Variants in GALNT17 observed in about 807,000 individuals in gnomAD.
The protein encoded by GALNT17 is UDP-GalNAc:polypeptide N-acetylgalactosaminyltransferase-like 3.
A neutral mutation model predicts 63.7 loss-of-function variants in GALNT17; 29 were observed. That is an observed-to-expected ratio of 0.46 (90% confidence interval 0.34 to 0.62). GALNT17 has a LOEUF of 0.62. GALNT17 is among the 20% of genes least tolerant of loss of function. The pLI is 0.01. For missense variants in GALNT17, 603 were observed against 799.6 expected (o/e 0.75, Z 2.97); for synonymous variants, 305 against 318.3 (o/e 0.96, Z 0.45).
intron 1 of GALNT17, among the ~76,000 whole-genome samples, chr7:71,330,276 G>A (rs577879727): frequency 2.6e-4 from 39 of 152,316 alleles, no homozygotes; most frequent in African/African-American, 9.1e-4. Flanking sequence ...GCCTCCCAAA[G>A]TGCTGGGATT....
chr7:71,144,250 C>T lies in GALNT17; in HGVS notation c.238+11210C>T, dbSNP rs76330983. Among the ~76,000 whole-genome samples, 543 of 152,184 alleles carry T rather than the reference C, an allele frequency of 3.6e-3. 20 individuals carry two copies. In the East Asian group the frequency reaches 0.071, roughly 20 times the overall value. On this transcript the variant is annotated intron_variant, in intron 1 of 10. Coordinates refer to ENST00000333538, the MANE Select transcript of GALNT17 (RefSeq NM_022479.3). ...GTCAGAAATCCCCTTGTCAGCTCCT[C>T]GAGTATCCTTACCTCCTCGTCATCT...
chr7:71,202,427 A>G (rs1789192365), intron 1 of GALNT17, among the ~76,000 whole-genome samples: 1 of 152,322 alleles, frequency 6.6e-6, no homozygotes, highest in African/African-American at 2.4e-5. Flanking sequence ...CTTTAGTTGC[A>G]TATTTGCAAT....
At chr7:71,178,461 T>C (rs1788677468) in intron 1 of GALNT17, among the ~76,000 whole-genome samples, 1 of 152,174 alleles carries the variant, frequency 6.6e-6, no homozygotes, top group Non-Finnish European at 1.5e-5. Flanking sequence ...TGTAGGCCTA[T>C]TTCTTCACGT....
At chr7:71,229,921 G>GACC (rs1789756615) in intron 1 of GALNT17, among the ~76,000 whole-genome samples, 1 of 152,226 alleles carries the variant, frequency 6.6e-6, no homozygotes, top group Admixed American at 6.5e-5. Flanking sequence ...GACTGAGCCA[G>GACC]AGGCCAGCTG....
chr7:71,381,730 G>T (rs908142547), intron 2 of GALNT17, among the ~76,000 whole-genome samples: 1 of 152,130 alleles, frequency 6.6e-6, no homozygotes, highest in African/African-American at 2.4e-5. Flanking sequence ...AGTGAGCTGA[G>T]ATCATGCCAT....
chr7:71,533,391 C>G (rs144603653), intron 5 of GALNT17, among the ~76,000 whole-genome samples: 1 of 152,288 alleles, frequency 6.6e-6, no homozygotes, highest in Non-Finnish European at 1.5e-5. Flanking sequence ...TAAAATCTTT[C>G]CTTGAGATTT....
At chr7:71,149,617 G>A (rs1788095132) in intron 1 of GALNT17, among the ~76,000 whole-genome samples, 1 of 152,236 alleles carries the variant, frequency 6.6e-6, no homozygotes, top group African/African-American at 2.4e-5. Flanking sequence ...AAATTATGCT[G>A]TGCGAGCTGT....
At chr7:71,141,832 A>G (rs894959379) in intron 1 of GALNT17, among the ~76,000 whole-genome samples, 4 of 142,092 alleles carry the variant, frequency 2.8e-5, no homozygotes, top group Non-Finnish European at 6.1e-5. Context: ...ATGCGCCACC[A>G]CGTCTGGCTG....
At chr7:71,706,584 G>A (rs1484316375) in intron 9 of GALNT17, among the ~76,000 whole-genome samples, 3 of 152,122 alleles carry the variant, frequency 2.0e-5, no homozygotes, top group African/African-American at 2.4e-5. Flanking sequence ...ATATATTCAG[G>A]CAGACATTGT....
intron 5 of GALNT17, among the ~76,000 whole-genome samples, chr7:71,564,908 C>T (rs761200227): frequency 1.2e-4 from 19 of 152,246 alleles, no homozygotes; most frequent in African/African-American, 2.6e-4. Flanking sequence ...AGTCATGCTG[C>T]GAAGCTTTCT....
chr7:71,320,064 A>C (rs1447889288), intron 1 of GALNT17, among the ~76,000 whole-genome samples: 1 of 152,122 alleles, frequency 6.6e-6, no homozygotes, highest in Admixed American at 6.5e-5. Flanking sequence ...GTGGGTGGGG[A>C]AGTACACTCA....
chr7:71,494,520 AT>A (rs912581818), intron 5 of GALNT17, among the ~76,000 whole-genome samples: 7 of 151,734 alleles, frequency 4.6e-5, no homozygotes, highest in Non-Finnish European at 1.0e-4. Context: ...TAATTTTTGT[AT>A]TTTTTGTTTG....
chr7:71,466,143 A>G (rs527725609), intron 5 of GALNT17, among the ~76,000 whole-genome samples: 3 of 152,326 alleles, frequency 2.0e-5, no homozygotes, highest in East Asian at 3.9e-4. Flanking sequence ...AAATACATCA[A>G]AGTCACGTAC....
chr7:71,138,047 T>TA (rs1254218667), intron 1 of GALNT17, among the ~76,000 whole-genome samples: 2 of 152,334 alleles, frequency 1.3e-5, no homozygotes, highest in Middle Eastern at 3.4e-3. Flanking sequence ...AAGGAAATGT[T>TA]ATTAAGAAAA....
chr7:71,205,969 T>C (rs1789263738), intron 1 of GALNT17, among the ~76,000 whole-genome samples: 1 of 151,674 alleles, frequency 6.6e-6, no homozygotes, highest in African/African-American at 2.4e-5. Flanking sequence ...CTTTTTGATA[T>C]GACACTGAGC....
chr7:71,140,428 C>T (rs1025171256), intron 1 of GALNT17, among the ~76,000 whole-genome samples: 1 of 152,226 alleles, frequency 6.6e-6, no homozygotes, highest in Admixed American at 6.5e-5. Flanking sequence ...GGACAGCCCT[C>T]AGATGCAGGC....
At chr7:71,231,289 G>A (rs1031986365) in intron 1 of GALNT17, among the ~76,000 whole-genome samples, 2 of 151,540 alleles carry the variant, frequency 1.3e-5, no homozygotes, top group African/African-American at 2.4e-5. Context: ...AATCTTTTGG[G>A]AGCTTGTTTA....
intron 5 of GALNT17, among the ~76,000 whole-genome samples, chr7:71,534,472 G>T (rs558054486): frequency 6.6e-6 from 1 of 151,832 alleles, no homozygotes; most frequent in African/African-American, 2.4e-5. Context: ...GGTGGCGGGC[G>T]CCTGTAGTCC....
intron 5 of GALNT17, among the ~76,000 whole-genome samples, chr7:71,559,164 C>T (rs999786924): frequency 2.0e-5 from 3 of 152,120 alleles, no homozygotes; most frequent in African/African-American, 7.2e-5. Flanking sequence ...AAAAGGCAGC[C>T]GACTTGTCCT....
Sources: gnomAD v4.1 joint callset for allele counts (sites outside exome capture counted in the v4.1 genomes callset) on GRCh38, gnomAD v4.1.1 for gene constraint, MANE v1.5 for transcripts, NCBI Gene and HGNC (gene_info 2026-07-23, HGNC 2026-07-21) for gene names.